NR3C1: variants seen among roughly 807,000 people sequenced by gnomAD.
The protein encoded by NR3C1 is glucocorticoid receptor.
NR3C1 carries 14 observed loss-of-function variants against 74.0 expected under a neutral mutation model. The ratio of observed to expected loss-of-function variants is 0.19; its 90% CI spans 0.12 to 0.30. The LOEUF (loss-of-function observed/expected upper bound fraction) is 0.30, where lower values mean the gene tolerates loss of function less well. NR3C1 is among the 10% of genes least tolerant of loss of function. NR3C1 has a pLI of 1.00. For synonymous variants in NR3C1, 308 were observed against 332.5 expected, an observed-to-expected ratio of 0.93 and a Z score of 0.80; for missense variants, 695 against 909.8, an observed-to-expected ratio of 0.76 and a Z score of 3.04.
rs1262563417 is a variant in NR3C1, at chr5:143,278,225, A to G, written c.*3664T>C. ...ACTGGTTTTAATTTTTACACATTTT[A>G]AAATTACTGTGATAAAAAATAATGA... On this transcript the variant is annotated 3_prime_UTR_variant, in exon 9 of 9. Coordinates refer to ENST00000394464, the MANE Select transcript of NR3C1 (RefSeq NM_000176.3). The G allele has an allele frequency of 6.6e-6, 1 of 152,200 alleles. No individual in the cohort carries two copies. Among genetic ancestry groups the G allele is most frequent in the East Asian group, 1.9e-4 (1 of 5,202 alleles). The allele number at this position is 152,200 out of a possible 1,614,324, so 9.4% of individuals were successfully genotyped here.
intron 1 of NR3C1, among the ~76,000 whole-genome samples, chr5:143,420,536 T>C: frequency 6.6e-6 from 1 of 152,158 alleles, no homozygotes; most frequent in East Asian, 1.9e-4. Flanking sequence ...ATTATAATGG[T>C]TTTCCCTAGA....
chr5:143,429,104 A>G (rs1751683162), intron 1 of NR3C1, among the ~76,000 whole-genome samples: 1 of 152,234 alleles, frequency 6.6e-6, no homozygotes, highest in Admixed American at 6.5e-5. Context: ...GCTTAATAAT[A>G]AATAACAATG....
intron 4 of NR3C1, among the ~76,000 whole-genome samples, chr5:143,304,046 T>C (rs1232756969): frequency 3.3e-5 from 5 of 152,086 alleles, no homozygotes; most frequent in African/African-American, 7.2e-5. Context: ...CAATTTAACA[T>C]AGTACTGGAA....
intron 2 of NR3C1, among the ~76,000 whole-genome samples, chr5:143,374,061 C>T (rs1009266420): frequency 2.6e-5 from 4 of 152,146 alleles, no homozygotes; most frequent in Non-Finnish European, 4.4e-5. Flanking sequence ...ATGCTACTAC[C>T]TTCATTGTTT....
At chr5:143,393,074 A>G (rs561909847) in intron 2 of NR3C1, among the ~76,000 whole-genome samples, 1 of 152,274 alleles carries the variant, frequency 6.6e-6, no homozygotes, top group East Asian at 1.9e-4. Context: ...TTCTAATCTA[A>G]AATAACTGTA....
intron 2 of NR3C1, among the ~76,000 whole-genome samples, chr5:143,318,105 C>T (rs545853543): frequency 1.3e-5 from 2 of 152,224 alleles, no homozygotes; most frequent in Admixed American, 1.3e-4. Flanking sequence ...AGCATTGTTA[C>T]ATACTTGGTG....
chr5:143,375,442 T>G (rs1055605520), intron 2 of NR3C1, among the ~76,000 whole-genome samples: 1 of 152,188 alleles, frequency 6.6e-6, no homozygotes, highest in Non-Finnish European at 1.5e-5. Flanking sequence ...GGGGCCTAGT[T>G]AAATATATTA....
chr5:143,282,470 C>T lies in NR3C1; in HGVS notation c.2181+98G>A, dbSNP rs868455100. 9.5e-5 allele frequency: 100 copies of T among 1,052,562 alleles called. No homozygotes were observed. In the African/African-American group the frequency reaches 1.7e-3, roughly 18 times the overall value. 65.2% of individuals were successfully genotyped at this position (1,052,562 alleles called of 1,614,324 possible). ...ATCACCAACATCCACAAACTGGGGG[C>T]GGGGGTGGGGGCGCTGCTGGTATAT... On this transcript the variant is annotated intron_variant, in intron 8 of 8. Transcript: ENST00000394464.
upstream of NR3C1, chr5:143,404,107 C>T: frequency 1.0e-6 from 1 of 985,412 alleles, no homozygotes; most frequent in Non-Finnish European, 1.2e-6. Context: ...TCGCTCTGCC[C>T]CTTGGCGGCA....
intron 1 of NR3C1, 69 bp downstream of exon 1, chr5:143,403,142 T>C: frequency 1.0e-6 from 1 of 961,528 alleles, no homozygotes; most frequent in Non-Finnish European, 1.2e-6. Flanking sequence ...GGCCCCCGAG[T>C]TGTCTCCGGT....
chr5:143,432,270 C>T (rs963795228), intron 1 of NR3C1, among the ~76,000 whole-genome samples: 1 of 152,128 alleles, frequency 6.6e-6, no homozygotes, highest in Non-Finnish European at 1.5e-5. Flanking sequence ...ATGTAATGCG[C>T]TAGGTTAAAA....
At chr5:143,357,263 T>TA (rs1173244254) in intron 2 of NR3C1, among the ~76,000 whole-genome samples, 1 of 152,198 alleles carries the variant, frequency 6.6e-6, no homozygotes, top group Non-Finnish European at 1.5e-5. Flanking sequence ...ATTGATACTT[T>TA]AATAATTACA....
At chr5:143,412,561 C>T (rs2151955848) in intron 1 of NR3C1, among the ~76,000 whole-genome samples, 1 of 152,212 alleles carries the variant, frequency 6.6e-6, no homozygotes, top group South Asian at 2.1e-4. Context: ...TAAAGAAGGA[C>T]CCTACCAAAA....
chr5:143,393,255 G>C (rs1261515392), intron 2 of NR3C1, among the ~76,000 whole-genome samples: 1 of 152,022 alleles, frequency 6.6e-6, no homozygotes, highest in Non-Finnish European at 1.5e-5. Flanking sequence ...AATCTATAAA[G>C]AAAATGTCAA....
intron 2 of NR3C1, among the ~76,000 whole-genome samples, chr5:143,392,395 C>T (rs1838412843): frequency 6.6e-6 from 1 of 152,192 alleles, no homozygotes; most frequent in African/African-American, 2.4e-5. Flanking sequence ...TGCAGGAGAG[C>T]AGAGGCCTGA....
At chr5:143,309,331 A>G (rs1400990705) in intron 4 of NR3C1, among the ~76,000 whole-genome samples, 1 of 152,194 alleles carries the variant, frequency 6.6e-6, no homozygotes, top group African/African-American at 2.4e-5. Context: ...TTGGTCTCCC[A>G]AAGTGCGGGG....
At chr5:143,384,922 C>T (rs1836911505) in intron 2 of NR3C1, among the ~76,000 whole-genome samples, 1 of 152,246 alleles carries the variant, frequency 6.6e-6, no homozygotes, top group African/African-American at 2.4e-5. Flanking sequence ...CTCCTCTGCA[C>T]TGCCCTAGCA....
rs116999624 is a variant in NR3C1, at chr5:143,357,275, G to A, written c.1184+42381C>T. On this transcript the variant is annotated intron_variant, in intron 2 of 8. Coordinates refer to ENST00000394464, the MANE Select transcript of NR3C1 (RefSeq NM_000176.3). ...TAGATTGATACTTTAATAATTACAG[G>A]GAAAGTTACATTTTTTAGATAAATT... Among the ~76,000 whole-genome samples, 155 of 152,020 alleles carry A rather than the reference G, an allele frequency of 1.0e-3. 3 individuals carry two copies. In the East Asian group the frequency reaches 0.022, roughly 22 times the overall value.
chr5:143,419,972 A>G (rs78461617), intron 1 of NR3C1, among the ~76,000 whole-genome samples: 27,634 of 152,108 alleles, frequency 0.18, 2,705 homozygotes, highest in Middle Eastern at 0.35. Flanking sequence ...CCTCAGGGGC[A>G]TATTCTCTTT....
Sources: gnomAD v4.1 joint callset for allele counts (sites outside exome capture counted in the v4.1 genomes callset) on GRCh38, gnomAD v4.1.1 for gene constraint, MANE v1.5 for transcripts, NCBI Gene and HGNC (gene_info 2026-07-23, HGNC 2026-07-21) for gene names.